The following SNX1 variants were observed in gnomAD, a reference collection of about 807,000 sequenced individuals.
SNX1 encodes sorting nexin-1.
Under a neutral mutation model 71.8 loss-of-function variants are expected in SNX1, and 36 were observed. The observed-to-expected ratio is 0.50, with a 90% confidence interval of 0.38 to 0.66. The LOEUF (loss-of-function observed/expected upper bound fraction) is 0.66, where lower values mean the gene tolerates loss of function less well. SNX1 is among the 30% of genes least tolerant of loss of function. SNX1 has a pLI of 0.00. For synonymous variants in SNX1, 254 were observed against 240.7 expected, an observed-to-expected ratio of 1.06 and a Z score of -0.51; for missense variants, 612 against 646.7, an observed-to-expected ratio of 0.95 and a Z score of 0.58.
intron 8 of SNX1, among the ~76,000 whole-genome samples, chr15:64,128,436 AT>A (rs1435337223): frequency 6.6e-6 from 1 of 152,254 alleles, no homozygotes; most frequent in Non-Finnish European, 1.5e-5. Flanking sequence ...GTCATTAAGG[AT>A]CAAAAGAAAC....
chr15:64,125,292 A>G (rs1419117232), intron 5 of SNX1, among the ~76,000 whole-genome samples: 2 of 151,936 alleles, frequency 1.3e-5, no homozygotes, highest in South Asian at 4.2e-4. Context: ...GTGAAACCCC[A>G]TCTCTACTAA....
intron 1 of SNX1, among the ~76,000 whole-genome samples, chr15:64,099,050 A>G (rs1399566099): frequency 6.6e-6 from 1 of 152,250 alleles, no homozygotes; most frequent in Non-Finnish European, 1.5e-5. Context: ...AGAACAAATT[A>G]TAATCCAATA....
intron 1 of SNX1, among the ~76,000 whole-genome samples, chr15:64,104,752 A>G (rs892947377): frequency 2.0e-5 from 3 of 151,466 alleles, no homozygotes; most frequent in Admixed American, 2.0e-4. Context: ...GGGTGTGACA[A>G]CGCATGTCTG....
chr15:64,110,218 C>G (rs2081065047), intron 1 of SNX1, among the ~76,000 whole-genome samples: 2 of 152,190 alleles, frequency 1.3e-5, no homozygotes, highest in South Asian at 4.2e-4. Flanking sequence ...TGTAAGAGAA[C>G]TACAGAAAAA....
chr15:64,107,198 A>C (rs2081031517), intron 1 of SNX1, among the ~76,000 whole-genome samples: 1 of 152,176 alleles, frequency 6.6e-6, no homozygotes, highest in Non-Finnish European at 1.5e-5. Context: ...TCCCTCAAAA[A>C]ATGAGTTATC....
chr15:64,122,650 G>T (rs573087121), intron 4 of SNX1, among the ~76,000 whole-genome samples: 2 of 152,188 alleles, frequency 1.3e-5, no homozygotes, highest in African/African-American at 4.8e-5. Context: ...TAGGTTTTCC[G>T]GTTTGATGTG....
In SNX1 at chr15:64,118,833, A is replaced by G. The variant is rs968498504; in HGVS notation, c.445A>G (p.Ile149Val). The change falls in exon 4 of 15, where the codon ATA becomes GTA. Residue 149 changes from isoleucine (I) to valine (V), a missense_variant. Transcript: ENST00000559844. ...QEDQFDLTVG[I>V]TDPEKIGDGM... Reference sequence around the variant, plus strand: ...GGATCAATTTGATTTGACAGTCGGTATAACTGATCCTGAGAAGATAGGTAA... The same window carrying G: ...GGATCAATTTGATTTGACAGTCGGTGTAACTGATCCTGAGAAGATAGGTAA... The G allele has an allele frequency of 6.2e-7, 1 of 1,613,472 alleles. No homozygotes were observed. The highest frequency in any genetic ancestry group is 1.3e-5 in the African/African-American group (1 of 74,866).
chr15:64,137,465 G>A (rs1287748832), intron 14 of SNX1, 103 bp from the exon 15 acceptor site: 1 of 1,300,726 alleles, frequency 7.7e-7, no homozygotes, highest in African/African-American at 1.5e-5. Context: ...TTGTGTGGCA[G>A]GCGCTTGGGG....
At chr15:64,106,716 A>G (rs1456609433) in intron 1 of SNX1, among the ~76,000 whole-genome samples, 1 of 152,212 alleles carries the variant, frequency 6.6e-6, no homozygotes, top group African/African-American at 2.4e-5. Flanking sequence ...AAGAGACGCA[A>G]AGAGATGAAA....
chr15:64,135,739 C>G (rs1456363758), intron 12 of SNX1, among the ~76,000 whole-genome samples: 1 of 123,946 alleles, frequency 8.1e-6, no homozygotes, highest in African/African-American at 3.0e-5. Flanking sequence ...AGCCTGGCAA[C>G]AGAGCAAGAC....
chr15:64,127,316 C>A, intron 7 of SNX1, 64 bp downstream of exon 7: 2 of 1,278,402 alleles, frequency 1.6e-6, no homozygotes, highest in Non-Finnish European at 1.1e-6. Flanking sequence ...AAAAGTGAGT[C>A]TAAATGACGA....
At chr15:64,113,391 G>A (rs528061375) in intron 2 of SNX1, among the ~76,000 whole-genome samples, 1 of 152,286 alleles carries the variant, frequency 6.6e-6, no homozygotes, top group East Asian at 1.9e-4. Context: ...GTCACAGCTG[G>A]TGGTAGTACT....
In SNX1 at chr15:64,118,821, T is replaced by G. The variant is rs2081160724; in HGVS notation, c.433T>G (p.Leu145Val). Residue 145 changes from leucine to valine, a missense_variant, in exon 4 of 15, where the codon TTG becomes GTG. Leu to Val is a conservative substitution (Grantham distance 32). Coordinates refer to ENST00000559844, the MANE Select transcript of SNX1 (RefSeq NM_003099.5). ...EEEEQEDQFD[L>V]TVGITDPEKI... ...AGAAGAACAGGAGGATCAATTTGAT[T>G]TGACAGTCGGTATAACTGATCCTGA... 1.2e-6 allele frequency: 2 copies of G among 1,613,648 alleles called. No homozygotes were observed. Among genetic ancestry groups the G allele is most frequent in the African/African-American group, 2.7e-5 (2 of 74,846 alleles).
In SNX1 at chr15:64,125,576, T is replaced by C. The variant is rs2081242566; in HGVS notation, c.511-503T>C. Among the ~76,000 whole-genome samples, 4 of 151,946 alleles carry C rather than the reference T, an allele frequency of 2.6e-5. No homozygotes were observed. In the South Asian group the frequency reaches 8.3e-4, roughly 32 times the overall value. ...GGGAGGATCGCTTAAGCCCAGGAGT[T>C]TGAGGCTGCAGTAAGCTGTGATCGC... On this transcript the variant is annotated intron_variant, in intron 5 of 14. Transcript: ENST00000559844.
chr15:64,112,702 A>G lies in SNX1; in HGVS notation c.271+18A>G, dbSNP rs772364513. On this transcript the variant is annotated intron_variant, in intron 2 of 14. Transcript: ENST00000559844. ...CTTTGCAGGCAAGTTTGGACTCAAA[A>G]GTTACTCTAGGAACCTCCTAAATGG... The G allele has an allele frequency of 2.6e-6, 4 of 1,536,280 alleles. No homozygotes were observed. The Admixed American group carries it at 6.9e-5, about 26-fold the overall frequency.
chr15:64,123,628 GTA>G (rs1441361073), intron 5 of SNX1, 82 bp downstream of exon 5: 14 of 1,169,678 alleles, frequency 1.2e-5, no homozygotes, highest in Non-Finnish European at 1.7e-5. Flanking sequence ...TTATTTCTGG[GTA>G]TCTCCTTTGT....
intron 1 of SNX1, among the ~76,000 whole-genome samples, chr15:64,107,739 G>T (rs565155080): frequency 1.1e-5 from 1 of 94,966 alleles, no homozygotes; most frequent in African/African-American, 2.7e-5. Context: ...TTTTAGCTGC[G>T]AAAAGGAAAA....
At chr15:64,099,738 T>C (rs2080938587) in intron 1 of SNX1, among the ~76,000 whole-genome samples, 1 of 152,200 alleles carries the variant, frequency 6.6e-6, no homozygotes, top group Admixed American at 6.5e-5. Context: ...TGAGACATAG[T>C]CTCACTCTTT....
intron 4 of SNX1, among the ~76,000 whole-genome samples, chr15:64,120,107 T>C (rs1595991364): frequency 1.3e-5 from 2 of 152,196 alleles, no homozygotes; most frequent in East Asian, 3.9e-4. Flanking sequence ...CATCTTTCCT[T>C]GTTCTAGCTA....
Sources: gnomAD v4.1 joint callset for allele counts (sites outside exome capture counted in the v4.1 genomes callset) on GRCh38, gnomAD v4.1.1 for gene constraint, MANE v1.5 for transcripts, NCBI Gene and HGNC (gene_info 2026-07-23, HGNC 2026-07-21) for gene names.